Variants in TMCC1 observed in about 807,000 individuals in gnomAD.
TMCC1 encodes the protein transmembrane and coiled-coil domain family 1.
TMCC1 carries 15 observed loss-of-function variants against 52.4 expected under a neutral mutation model. The observed-to-expected ratio is 0.29, with a 90% CI of 0.19 to 0.44. The LOEUF (loss-of-function observed/expected upper bound fraction) is 0.44, where lower values mean the gene tolerates loss of function less well. Ranked by LOEUF, TMCC1 falls within the 20% of genes least tolerant of loss-of-function variation. TMCC1 has a pLI of 1.00. For synonymous variants in TMCC1, 279 were observed against 301.9 expected (o/e 0.92, Z 0.79); for missense variants, 503 against 806.0 (o/e 0.62, Z 4.55).
At chr3:129,654,792 T>C (rs574359492) in intron 6 of TMCC1, among the ~76,000 whole-genome samples, 176 bp downstream of exon 6, 32 of 152,310 alleles carry the variant, frequency 2.1e-4, no homozygotes, top group Admixed American at 1.8e-3. Flanking sequence ...CAACCCAAAA[T>C]GGTATAAACT....
intron 4 of TMCC1, among the ~76,000 whole-genome samples, chr3:129,752,805 G>A (rs531024667): frequency 3.3e-5 from 5 of 152,308 alleles, no homozygotes; most frequent in Non-Finnish European, 7.3e-5. Context: ...CTGAGACTCA[G>A]TAATTTACGA....
chr3:129,689,962 C>T (rs1411417181), intron 4 of TMCC1, among the ~76,000 whole-genome samples: 1 of 152,218 alleles, frequency 6.6e-6, no homozygotes, highest in Non-Finnish European at 1.5e-5. Context: ...CTAGCATCAA[C>T]ACTAGCTGCT....
chr3:129,762,575 G>C lies in TMCC1; in HGVS notation c.576+65228C>G, dbSNP rs190475183. On this transcript the variant is annotated intron_variant, in intron 4 of 6. Coordinates refer to ENST00000393238, the MANE Select transcript of TMCC1 (RefSeq NM_001017395.5). ...GGTCAAGGCGGGAGAACTGCTTGAG[G>C]CCAGGAGTTCAAGACCAGCCTAAGC... is the stretch of plus-strand genomic sequence containing the variant. Among the ~76,000 whole-genome samples the C allele has an allele frequency of 1.5e-3, 221 of 151,660 alleles. 1 individual carries two copies. The highest frequency in any genetic ancestry group is 3.8e-3 in the Admixed American group (58 of 15,222).
intron 4 of TMCC1, among the ~76,000 whole-genome samples, chr3:129,701,411 T>C (rs1576498545): frequency 2.0e-5 from 3 of 152,108 alleles, no homozygotes; most frequent in African/African-American, 4.8e-5. Context: ...CAGTAAGAGG[T>C]AGATTTTGTT....
intron 4 of TMCC1, among the ~76,000 whole-genome samples, chr3:129,705,370 C>T (rs1474055286): frequency 2.0e-5 from 3 of 152,094 alleles, no homozygotes; most frequent in Non-Finnish European, 4.4e-5. Context: ...ATTTCCAAAA[C>T]CAGTAGGGGT....
At chr3:129,749,164 A>C (rs958721176) in intron 4 of TMCC1, among the ~76,000 whole-genome samples, 5 of 151,792 alleles carry the variant, frequency 3.3e-5, no homozygotes, top group Admixed American at 1.3e-4. Flanking sequence ...ACTTGTTTAA[A>C]ATATATTAGT....
intron 4 of TMCC1, among the ~76,000 whole-genome samples, chr3:129,722,874 A>G (rs1488236259): frequency 6.6e-6 from 1 of 152,224 alleles, no homozygotes; most frequent in Admixed American, 6.5e-5. Context: ...AATCTGCTTA[A>G]AAAGTTGGCA....
intron 5 of TMCC1, among the ~76,000 whole-genome samples, chr3:129,656,110 T>C (rs1477965811): frequency 6.6e-6 from 1 of 152,198 alleles, no homozygotes; most frequent in East Asian, 1.9e-4. Context: ...TGAATATGTG[T>C]TTTTAGGAAA....
rs180851506 is a variant in TMCC1, at chr3:129,793,338, T to A, written c.576+34465A>T. Among the ~76,000 whole-genome samples, 330 of 152,288 alleles carry A rather than the reference T, an allele frequency of 2.2e-3. 2 individuals carry two copies. The highest frequency in any genetic ancestry group is 3.9e-3 in the Non-Finnish European group (267 of 68,032). On this transcript the variant is annotated intron_variant, in intron 4 of 6. Coordinates refer to ENST00000393238, the MANE Select transcript of TMCC1 (RefSeq NM_001017395.5). ...CTCATTTCTGCATCAGTGCACACAC[T>A]CTACACTGGGGTCACCTGTGAGGGA...
At chr3:129,873,715 T>G (rs530111485) in intron 2 of TMCC1, among the ~76,000 whole-genome samples, 140 of 152,318 alleles carry the variant, frequency 9.2e-4, no homozygotes, top group Middle Eastern at 6.8e-3. Context: ...TTAAAAATAC[T>G]GTTTTTTAAT....
chr3:129,849,684 C>T (rs1019743366), intron 2 of TMCC1, among the ~76,000 whole-genome samples: 13 of 148,944 alleles, frequency 8.7e-5, no homozygotes, highest in African/African-American at 2.0e-4. Context: ...GAGAATGGCA[C>T]GAAGCTGGGA....
chr3:129,812,595 G>A (rs576279044), intron 4 of TMCC1, among the ~76,000 whole-genome samples: 78 of 151,816 alleles, frequency 5.1e-4, no homozygotes, highest in African/African-American at 1.4e-3. Context: ...ACAAATACCC[G>A]ACCTCGCCCC....
At chr3:129,751,893 C>G (rs74203283) in intron 4 of TMCC1, among the ~76,000 whole-genome samples, 2 of 152,140 alleles carry the variant, frequency 1.3e-5, no homozygotes, top group East Asian at 1.9e-4. Flanking sequence ...AACATTCATA[C>G]TGAATTATCT....
At chr3:129,749,947 T>C (rs1225928488) in intron 4 of TMCC1, among the ~76,000 whole-genome samples, 1 of 152,262 alleles carries the variant, frequency 6.6e-6, no homozygotes, top group East Asian at 1.9e-4. Context: ...GACCTCTAAA[T>C]GGTTAAGTTC....
intron 4 of TMCC1, among the ~76,000 whole-genome samples, chr3:129,725,989 C>G (rs539776582): frequency 6.6e-6 from 1 of 152,170 alleles, no homozygotes; most frequent in African/African-American, 2.4e-5. Context: ...TTCTATGAAC[C>G]AGGATAGGAA....
chr3:129,762,001 A>AAAAG (rs1274229442), intron 4 of TMCC1, among the ~76,000 whole-genome samples: 1 of 150,530 alleles, frequency 6.6e-6, no homozygotes, highest in African/African-American at 2.4e-5. Flanking sequence ...AAAAAAAAAA[A>AAAAG]AAAAAAAGTA....
At chr3:129,888,716 TG>T (rs1281839027) in intron 1 of TMCC1, among the ~76,000 whole-genome samples, 3 of 152,110 alleles carry the variant, frequency 2.0e-5, no homozygotes, top group African/African-American at 7.2e-5. Flanking sequence ...CACCACTAAG[TG>T]TGGGCTGTAC....
At chr3:129,742,071 A>T (rs1040442459) in intron 4 of TMCC1, among the ~76,000 whole-genome samples, 5 of 152,106 alleles carry the variant, frequency 3.3e-5, no homozygotes, top group African/African-American at 1.2e-4. Context: ...GAAAGACCTA[A>T]ATCTAAAACT....
Position 129,844,856 on chromosome 3 carries a change from G to T in TMCC1, c.-183-12030C>A, listed in dbSNP as rs558640562. Among the ~76,000 whole-genome samples the T allele has an allele frequency of 2.6e-5, 4 of 152,252 alleles. No individual in the cohort carries two copies. In the East Asian group the frequency reaches 7.7e-4, roughly 29 times the overall value. On this transcript the variant is annotated intron_variant, in intron 2 of 6. Coordinates refer to ENST00000393238, the MANE Select transcript of TMCC1 (RefSeq NM_001017395.5). The stretch of plus-strand genomic sequence containing the variant: ...AATTAGACTCCTTTGTTATTCCAAA[G>T]AAATATCCTGTTCCTTTTTGAAAAT...
Sources: allele counts gnomAD v4.1 joint callset (sites outside exome capture counted in the v4.1 genomes callset), GRCh38; gene constraint gnomAD v4.1.1; transcripts MANE v1.5; gene names NCBI Gene and HGNC (gene_info 2026-07-23, HGNC 2026-07-21).